Variants in ZAN observed in about 807,000 individuals in gnomAD.
The protein encoded by ZAN is zonadhesin, also known as zonadhesin (gene/pseudogene).
ZAN carries 260 observed loss-of-function variants against 286.2 expected under a neutral mutation model. That is an observed-to-expected ratio of 0.91 (90% confidence interval 0.82 to 1.01). The LOEUF (loss-of-function observed/expected upper bound fraction) is 1.01, where lower values mean the gene tolerates loss of function less well. Ranked by LOEUF, ZAN falls within the 50% of genes least tolerant of loss-of-function variation. The pLI, the probability that ZAN is intolerant of heterozygous loss-of-function variation, is 0.00. For missense variants in ZAN, 3,410 were observed against 3,639.2 expected (o/e 0.94, Z 1.62); for synonymous variants, 1,368 against 1,417.5 (o/e 0.97, Z 0.79).
chr7:100,738,726 T>A, intron 7 of ZAN, 113 bp downstream of exon 7: 1 of 1,183,656 alleles, frequency 8.4e-7, no homozygotes, highest in Non-Finnish European at 1.2e-6. Context: ...TCTTACCAGC[T>A]CAAGTTTCAC....
In ZAN at chr7:100,744,275, G is replaced by A. The variant is rs371215702; in HGVS notation, c.767-2263G>A. On this transcript the variant is annotated intron_variant, in intron 7 of 47. Coordinates refer to ENST00000613979, the MANE Select transcript of ZAN (RefSeq NM_003386.3). Reference sequence around the variant, plus strand: ...CTTGGACTCCTGCACTCCTGTCTCTGATCTTTCCTGCTGCCTAAACTTTGT... The same window carrying A: ...CTTGGACTCCTGCACTCCTGTCTCTAATCTTTCCTGCTGCCTAAACTTTGT... Among the ~76,000 whole-genome samples, 108 of 150,952 alleles carry A rather than the reference G, an allele frequency of 7.2e-4. 1 individual carries two copies. Among genetic ancestry groups the A allele is most frequent in the Non-Finnish European group, 1.4e-3 (94 of 67,800 alleles).
At position 100,734,200 on chromosome 7, in the gene ZAN, T is replaced by C. The variant is rs1807140419; in HGVS notation, c.32T>C (p.Leu11Pro). MVPPVWTLLL[L>P]VGAALFRKEK... ...CCTCCAGTCTGGACTCTGCTGCTTC[T>C]GGTGGGGGCTGCCCTTTTCAGGTAA... The change falls in exon 2 of 48, where the codon CTG becomes CCG. Residue 11 changes from leucine to proline, a missense_variant. Physicochemically the swap from Leu to Pro is moderately conservative, Grantham distance 98 (BLOSUM62 -3). Transcript: ENST00000613979. The C allele has an allele frequency of 1.4e-6, 2 of 1,457,366 alleles. No homozygotes were observed. The highest frequency in any genetic ancestry group is 2.9e-5 in the African/African-American group (2 of 68,884). The allele number at this position is 1,457,366 out of a possible 1,614,324, so 90.3% of individuals were successfully genotyped here.
intron 18 of ZAN, 40 bp from the exon 19 acceptor site, chr7:100,760,351 C>T: frequency 1.2e-6 from 2 of 1,606,286 alleles, no homozygotes; most frequent in Non-Finnish European, 1.7e-6. Context: ...CTCCTTGACC[C>T]CCAGCTCTGT....
chr7:100,780,349 A>T (rs2116224199), intron 35 of ZAN, among the ~76,000 whole-genome samples: 1 of 152,244 alleles, frequency 6.6e-6, no homozygotes, highest in East Asian at 1.9e-4. Context: ...ATAAAGTATT[A>T]AAAAATTTAA....
intron 26 of ZAN, 79 bp downstream of exon 26, chr7:100,768,090 C>CACAGAGA: frequency 1.3e-6 from 2 of 1,486,996 alleles, no homozygotes; most frequent in Non-Finnish European, 1.8e-6. Flanking sequence ...CCCAACATCT[C>CACAGAGA]TGTGAGGTGT....
intron 36 of ZAN, among the ~76,000 whole-genome samples, chr7:100,785,223 CTTTTTTTTTTTTT>C (rs5886135): frequency 1.1e-5 from 1 of 87,534 alleles, no homozygotes; most frequent in African/African-American, 4.3e-5. Flanking sequence ...AACACAGTGC[CTTTTTTTTTTTTT>C]TTTTTTTTTG....
intron 19 of ZAN, among the ~76,000 whole-genome samples, chr7:100,760,928 G>A (rs1023039960): frequency 3.3e-5 from 5 of 151,994 alleles, no homozygotes; most frequent in Admixed American, 1.3e-4. Context: ...AGGATCTCTC[G>A]CTCTGTTCCC....
rs1809488058 is a variant in ZAN, at chr7:100,760,533, C to T, written c.3839C>T (p.Ser1280Phe). 2 of 1,613,808 alleles carry T rather than the reference C, an allele frequency of 1.2e-6. No homozygotes were observed. Among genetic ancestry groups the T allele is most frequent in the Non-Finnish European group, 1.7e-6 (2 of 1,179,778 alleles). ...GACCAGCAGCTGTATGTTACTGTGT[C>T]CAGGTAAGGCAGTGTCCCAGCCAGG... is the stretch of plus-strand genomic sequence containing the variant. ...DGDQQLYVTV[S>F]STYSGKLCGL... Residue 1280 changes from serine (S) to phenylalanine (F), a missense_variant, in exon 19 of 48, where the codon TCC becomes TTC. Physicochemically the swap from Ser to Phe is radical, Grantham distance 155. This residue lies in a region of ZAN where 1,042 missense variants were observed against 1,058.0 expected (regional missense o/e 0.98). Coordinates refer to ENST00000613979, the MANE Select transcript of ZAN (RefSeq NM_003386.3).
chr7:100,782,674 G>GTT (rs149599755), intron 35 of ZAN, among the ~76,000 whole-genome samples: 16 of 113,886 alleles, frequency 1.4e-4, no homozygotes, highest in East Asian at 9.3e-4. Flanking sequence ...ATTTAAGTGG[G>GTT]TTTTTTTTGT....
At chr7:100,766,486 A>T in intron 23 of ZAN, 39 bp from the exon 24 acceptor site, 1 of 1,536,068 alleles carries the variant, frequency 6.5e-7, no homozygotes, top group Non-Finnish European at 8.8e-7. Flanking sequence ...ACAAAGCAAA[A>T]AAAAACACTT....
rs372993710 is a variant in ZAN at position 100,775,684 on chromosome 7, G to T, written c.6043G>T (p.Val2015Phe). The T allele has an allele frequency of 6.2e-7, 1 of 1,613,882 alleles. No individual in the cohort carries two copies. Among genetic ancestry groups the T allele is most frequent in the South Asian group, 1.1e-5 (1 of 91,080 alleles). Residue 2015 changes from valine to phenylalanine, a missense_variant, in exon 33 of 48, where the codon GTC becomes TTC. By Grantham distance (50) the Val-to-Phe change is conservative. Around this residue, in one of 7 missense-constraint regions of ZAN, gnomAD observed 1,289 missense variants for 1,314.3 expected, o/e 0.98. Coordinates refer to ENST00000613979, the MANE Select transcript of ZAN (RefSeq NM_003386.3). ...GHRVLINSKQ[V>F]TLPAISQIPG... ...TCCTGTTTAGATCAACAGCAAACAG[G>T]TCACCCTCCCCGCCATCTCCCAGAT...
intron 23 of ZAN, among the ~76,000 whole-genome samples, chr7:100,765,833 G>C (rs894224753): frequency 6.6e-6 from 1 of 151,524 alleles, no homozygotes; most frequent in Non-Finnish European, 1.5e-5. Flanking sequence ...ATTTTTAGTA[G>C]AGACGGGGTA....
Position 100,748,210 on chromosome 7 carries a change from G to GT in ZAN, c.1098dup (p.Gly367TrpfsTer8), listed in dbSNP as rs779333421. 1.8e-5 allele frequency: 29 copies of GT among 1,613,806 alleles called. No homozygotes were observed. The highest frequency in any genetic ancestry group is 2.4e-5 in the Non-Finnish European group (28 of 1,179,880). On this transcript the variant is annotated frameshift_variant, in exon 10 of 48. Transcript: ENST00000613979. LOFTEE classifies it high-confidence loss of function. ...GTTGATGCAACCAGCATTGCTCCTT[G>GT]TGGGGGTGAGAGCAGGCCCTGAGAG...
chr7:100,749,281 G>T (rs1324487171), intron 11 of ZAN, among the ~76,000 whole-genome samples: 1 of 152,006 alleles, frequency 6.6e-6, no homozygotes, highest in East Asian at 1.9e-4. Context: ...GGTGGAGACT[G>T]CAGTGAGCTG....
Position 100,755,259 on chromosome 7 carries a change from G to A in ZAN, c.3158G>A (p.Cys1053Tyr). ...RCPPNARYES[C>Y]ACPASCKSPR... ...CCTCCAAATGCCCGCTACGAATCCT[G>A]TGCTTGTCCTGCTTCGTGCAAGAGC... The change falls in exon 15 of 48, where the codon TGT becomes TAT. Residue 1053 changes from cysteine to tyrosine, a missense_variant. Transcript: ENST00000613979. The A allele has an allele frequency of 6.2e-7, 1 of 1,613,748 alleles. No individual in the cohort carries two copies. The highest frequency in any genetic ancestry group is 1.1e-5 in the South Asian group (1 of 91,078).
At position 100,775,379 on chromosome 7, in the gene ZAN, G is replaced by T. The variant is rs183810628; in HGVS notation, c.5831G>T (p.Gly1944Val). The T allele has an allele frequency of 8.0e-5, 129 of 1,613,814 alleles. 1 individual carries two copies. The Middle Eastern group carries it at 1.2e-3, about 14-fold the overall frequency. Residue 1944 changes from glycine (G) to valine (V), a missense_variant, in exon 32 of 48, where the codon GGT becomes GTT. By Grantham distance (109) the Gly-to-Val change is moderately radical. This residue lies in a region of ZAN where 1,289 missense variants were observed against 1,314.3 expected (regional missense o/e 0.98). Transcript: ENST00000613979. Reference protein sequence around the residue: ...PGESHYVSFDGSNHSIPDACT... With the variant: ...PGESHYVSFDVSNHSIPDACT... ...GAGTCCCACTACGTGAGCTTTGATG[G>T]TAGTAACCATTCTATCCCGGACGCC...
At position 100,759,804 on chromosome 7, in the gene ZAN, C is replaced by T. The variant is rs758530885; in HGVS notation, c.3655C>T (p.Pro1219Ser). Reference protein sequence around the residue: ...SCLSKVYVTLPESTVTLLKGR... With the variant: ...SCLSKVYVTLSESTVTLLKGR... ...CCTGAGCAAAGTCTACGTGACCCTG[C>T]CCGAGAGCACCGTCACCCTGCTTAA... Residue 1219 changes from proline to serine, a missense_variant, in exon 18 of 48, where the codon CCC becomes TCC. By Grantham distance (74) the Pro-to-Ser change is moderately conservative. This residue lies in a region of ZAN where 1,042 missense variants were observed against 1,058.0 expected (regional missense o/e 0.98). Coordinates refer to ENST00000613979, the MANE Select transcript of ZAN (RefSeq NM_003386.3). The T allele has an allele frequency of 5.6e-6, 9 of 1,610,698 alleles. No homozygotes were observed. Among genetic ancestry groups the T allele is most frequent in the Non-Finnish European group, 7.6e-6 (9 of 1,178,750 alleles).
At position 100,782,692 on chromosome 7, in the gene ZAN, T is replaced by C. The variant is rs942976205; in HGVS notation, c.6623-1931T>C. On this transcript the variant is annotated intron_variant, in intron 35 of 47. Transcript: ENST00000613979. ...TAAGTGGGTTTTTTTTGTGTGTGTGTGTGTGTGTGTATTTAAGTTTTTGAC... is the reference window on the plus strand; with the variant it reads ...TAAGTGGGTTTTTTTTGTGTGTGTGCGTGTGTGTGTATTTAAGTTTTTGAC... Among the ~76,000 whole-genome samples, 80 of 151,420 alleles carry C rather than the reference T, an allele frequency of 5.3e-4. 2 individuals carry two copies. Among genetic ancestry groups the C allele is most frequent in the Non-Finnish European group, 1.3e-4 (9 of 67,898 alleles).
chr7:100,758,627 C>G lies in ZAN; in HGVS notation c.3548C>G (p.Ala1183Gly), dbSNP rs2115930760. 6.4e-7 allele frequency: 1 copy of G among 1,557,408 alleles called. No homozygotes were observed. The highest frequency in any genetic ancestry group is 8.7e-7 in the Non-Finnish European group (1 of 1,150,472). Reference sequence around the variant, plus strand: ...ATGGGCAAGTGCACTTACATCTTGGCCCAGCCCTGTGGCAACTCAACAGGT... The same window carrying G: ...ATGGGCAAGTGCACTTACATCTTGGGCCAGCCCTGTGGCAACTCAACAGGT... Reference protein sequence around the residue: ...GFMGKCTYILAQPCGNSTDPF... With the variant: ...GFMGKCTYILGQPCGNSTDPF... Residue 1183 changes from alanine to glycine, a missense_variant, in exon 17 of 48, where the codon GCC becomes GGC. Transcript: ENST00000613979.
Sources: allele counts gnomAD v4.1 joint callset (sites outside exome capture counted in the v4.1 genomes callset), GRCh38; gene constraint gnomAD v4.1.1; regional missense constraint gnomAD v4.1.1; transcripts MANE v1.5; gene names NCBI Gene and HGNC (gene_info 2026-07-23, HGNC 2026-07-21).